LRP1B: variants seen among roughly 807,000 people sequenced by gnomAD.
The protein encoded by LRP1B is LDL receptor related protein 1B.
A neutral mutation model predicts 556.6 loss-of-function variants in LRP1B; 217 were observed. The ratio of observed to expected loss-of-function variants is 0.39; its 90% confidence interval spans 0.35 to 0.44. The LOEUF (loss-of-function observed/expected upper bound fraction) is 0.44, where lower values mean the gene tolerates loss of function less well. Ranked by LOEUF, LRP1B falls within the 20% of genes least tolerant of loss-of-function variation. LRP1B has a pLI of 1.00. For synonymous variants in LRP1B, 2,047 were observed against 1,865.8 expected, an observed-to-expected ratio of 1.10 and a Z score of -2.50; for missense variants, 5,053 against 5,620.8, an observed-to-expected ratio of 0.90 and a Z score of 3.23.
At chr2:141,107,150 G>C (rs7584552) in intron 7 of LRP1B, among the ~76,000 whole-genome samples, 54,283 of 151,330 alleles carry the variant, frequency 0.36, 10,124 homozygotes, top group East Asian at 0.65. Flanking sequence ...ATAAAGAATA[G>C]GCAAAAAAGT....
At chr2:141,938,793 C>T (rs1204030700) in intron 1 of LRP1B, among the ~76,000 whole-genome samples, 13 of 151,852 alleles carry the variant, frequency 8.6e-5, no homozygotes, top group Admixed American at 8.5e-4. Context: ...TCTATATATA[C>T]ATAATATATA....
chr2:140,850,343 A>C lies in LRP1B; in HGVS notation c.4712-14T>G, dbSNP rs756430616. The C allele has an allele frequency of 1.2e-5, 18 of 1,499,952 alleles. No homozygotes were observed. In the South Asian group the frequency reaches 1.5e-4, roughly 13 times the overall value. The allele number at this position is 1,499,952 out of a possible 1,614,324, so 92.9% of individuals were successfully genotyped here. A position where few individuals can be genotyped will look rare whatever the true frequency, so the allele number is the denominator to read the frequency against. On this transcript the variant is annotated splice_polypyrimidine_tract_variant and intron_variant, in intron 28 of 90. Transcript: ENST00000389484. ...ATTTTTTCATTTCTAAAAAAGAAAT[A>C]GAAATTCTTTTCTCTTATGAAGTTG...
At chr2:140,598,342 C>G (rs1682522878) in intron 43 of LRP1B, among the ~76,000 whole-genome samples, 1 of 152,154 alleles carries the variant, frequency 6.6e-6, no homozygotes, top group Admixed American at 6.5e-5. Context: ...GCAAATCACT[C>G]TAACAATTCC....
At chr2:141,396,850 C>T (rs1365075061) in intron 3 of LRP1B, among the ~76,000 whole-genome samples, 2 of 151,958 alleles carry the variant, frequency 1.3e-5, no homozygotes, top group East Asian at 1.9e-4. Context: ...TGGCCGGGCA[C>T]AACGGCTCAT....
At chr2:141,575,406 A>G (rs1395250051) in intron 2 of LRP1B, among the ~76,000 whole-genome samples, 1 of 152,236 alleles carries the variant, frequency 6.6e-6, no homozygotes, top group Non-Finnish European at 1.5e-5. Context: ...CCGGCAAGCC[A>G]TATGCAGAAA....
chr2:140,570,898 C>T (rs1313945821), intron 43 of LRP1B, among the ~76,000 whole-genome samples: 1 of 151,628 alleles, frequency 6.6e-6, no homozygotes, highest in Non-Finnish European at 1.5e-5. Context: ...CATTATGTTA[C>T]AGAATAAGAA....
chr2:140,628,584 A>C (rs1398418609), intron 41 of LRP1B, among the ~76,000 whole-genome samples: 1 of 152,058 alleles, frequency 6.6e-6, no homozygotes, highest in Non-Finnish European at 1.5e-5. Context: ...CACACTACAA[A>C]TGTGTAGATT....
At chr2:141,982,009 A>G in intron 1 of LRP1B, among the ~76,000 whole-genome samples, 1 of 152,046 alleles carries the variant, frequency 6.6e-6, no homozygotes, top group East Asian at 1.9e-4. Flanking sequence ...CTTTCCAATC[A>G]CCAGAAATAC....
chr2:140,661,204 A>G (rs995103706), intron 41 of LRP1B, among the ~76,000 whole-genome samples: 3 of 152,138 alleles, frequency 2.0e-5, no homozygotes, highest in Non-Finnish European at 2.9e-5. Flanking sequence ...TTGTACAGTC[A>G]CTGGGTAAAG....
chr2:140,466,355 T>A (rs1304456972), intron 60 of LRP1B, among the ~76,000 whole-genome samples: 1 of 152,148 alleles, frequency 6.6e-6, no homozygotes. Context: ...TAACACTGCA[T>A]GGGTTATGAT....
chr2:140,907,763 C>T, intron 22 of LRP1B, 114 bp downstream of exon 22: 2 of 929,902 alleles, frequency 2.2e-6, no homozygotes, highest in Non-Finnish European at 3.4e-6. Context: ...ATGCTAAAAG[C>T]TACATTTAAA....
chr2:140,378,247 T>C lies in LRP1B; in HGVS notation c.10571A>G (p.Asn3524Ser), dbSNP rs200517142. 10 of 1,613,554 alleles carry C rather than the reference T, an allele frequency of 6.2e-6. No individual in the cohort carries two copies. Among genetic ancestry groups the C allele is most frequent in the East Asian group, 2.2e-5 (1 of 44,844 alleles). The change falls in exon 68 of 91, where the codon AAT becomes AGT. Residue 3524 changes from asparagine to serine, a missense_variant. By Grantham distance (46) the Asn-to-Ser change is conservative. Transcript: ENST00000389484. Reference protein sequence around the residue: ...TCTLKDFLCANGDCVSSRFWC... With the variant: ...TCTLKDFLCASGDCVSSRFWC... The stretch of plus-strand genomic sequence containing the variant: ...AAACCTTGAAGAAACACAGTCCCCA[T>C]TGGCACAGAGGAAATCTTTCAATGT...
At chr2:140,806,280 A>G (rs1573743668) in intron 32 of LRP1B, among the ~76,000 whole-genome samples, 1 of 152,212 alleles carries the variant, frequency 6.6e-6, no homozygotes, top group East Asian at 1.9e-4. Context: ...AAGACATACA[A>G]ATATATAAAT....
chr2:141,803,643 A>G (rs897460994), intron 2 of LRP1B, among the ~76,000 whole-genome samples: 9 of 151,988 alleles, frequency 5.9e-5, no homozygotes, highest in Non-Finnish European at 1.3e-4. Flanking sequence ...GTGACCTCTA[A>G]ATCACCATTA....
chr2:141,446,548 C>T (rs991603367), intron 3 of LRP1B, among the ~76,000 whole-genome samples: 1 of 152,110 alleles, frequency 6.6e-6, no homozygotes, highest in African/African-American at 2.4e-5. Flanking sequence ...TGTCTGGTAC[C>T]TGTTTTTCTT....
chr2:141,822,130 C>CACACACACACAGAGAG (rs374369026), intron 1 of LRP1B, among the ~76,000 whole-genome samples: 1 of 95,864 alleles, frequency 1.0e-5, no homozygotes, highest in African/African-American at 4.5e-5. Context: ...CACACACACA[C>CACACACACACAGAGAG]AGAGAGAGAG....
At chr2:140,705,204 C>T (rs536229439) in intron 37 of LRP1B, among the ~76,000 whole-genome samples, 44 of 151,740 alleles carry the variant, frequency 2.9e-4, no homozygotes, top group African/African-American at 9.7e-4. Context: ...CTATAAGATG[C>T]GTAACAAAAA....
intron 3 of LRP1B, among the ~76,000 whole-genome samples, chr2:141,423,908 A>C (rs904318392): frequency 2.6e-5 from 4 of 152,034 alleles, no homozygotes; most frequent in Non-Finnish European, 2.9e-5. Context: ...AGAATATTAA[A>C]TATAATAAAG....
At chr2:140,851,385 G>T (rs1449562954) in intron 28 of LRP1B, among the ~76,000 whole-genome samples, 1 of 151,978 alleles carries the variant, frequency 6.6e-6, no homozygotes, top group African/African-American at 2.4e-5. Flanking sequence ...CTCTGCTAAC[G>T]TACCAAATAA....
Sources: allele counts gnomAD v4.1 joint callset (sites outside exome capture counted in the v4.1 genomes callset), GRCh38; gene constraint gnomAD v4.1.1; transcripts MANE v1.5; gene names NCBI Gene and HGNC (gene_info 2026-07-23, HGNC 2026-07-21).